The following DIAPH3 variants were observed in gnomAD, a reference collection of about 807,000 sequenced individuals.
DIAPH3 encodes protein diaphanous homolog 3.
A neutral mutation model predicts 144.3 loss-of-function variants in DIAPH3; 117 were observed. That is an observed-to-expected ratio of 0.81 (90% confidence interval 0.70 to 0.95). The LOEUF (loss-of-function observed/expected upper bound fraction) is 0.95, where lower values mean the gene tolerates loss of function less well. DIAPH3 is among the 40% of genes least tolerant of loss of function. The pLI, the probability that DIAPH3 is intolerant of heterozygous loss-of-function variation, is 0.00. For synonymous variants in DIAPH3, 519 were observed against 488.9 expected, an observed-to-expected ratio of 1.06 and a Z score of -0.81; for missense variants, 1,421 against 1,412.7, an observed-to-expected ratio of 1.01 and a Z score of -0.09.
intron 9 of DIAPH3, among the ~76,000 whole-genome samples, chr13:60,006,336 T>TA (rs1324187247): frequency 2.0e-5 from 3 of 152,162 alleles, no homozygotes; most frequent in African/African-American, 7.2e-5. Context: ...CCTTACAGTT[T>TA]AAAACCTCAT....
intron 9 of DIAPH3, among the ~76,000 whole-genome samples, chr13:60,007,967 G>A (rs1310681249): frequency 2.6e-4 from 39 of 152,272 alleles, no homozygotes; most frequent in Admixed American, 2.6e-3. Flanking sequence ...ATAGAACTAT[G>A]ATAATATCTC....
intron 2 of DIAPH3, among the ~76,000 whole-genome samples, chr13:60,119,546 GACCATCCCGGC>G (rs2058784121): frequency 6.6e-6 from 1 of 151,672 alleles, no homozygotes; most frequent in African/African-American, 2.4e-5. Flanking sequence ...AGGAGATCGA[GACCATCCCGGC>G]TAAAACGGTG....
intron 24 of DIAPH3, among the ~76,000 whole-genome samples, chr13:59,829,273 C>CA (rs551739830): frequency 1.5e-4 from 23 of 151,774 alleles, no homozygotes; most frequent in Non-Finnish European, 2.5e-4. Flanking sequence ...ACGATTGTTC[C>CA]AAAAAAATGG....
intron 24 of DIAPH3, among the ~76,000 whole-genome samples, chr13:59,821,809 C>T (rs2041089371): frequency 6.6e-6 from 1 of 152,142 alleles, no homozygotes; most frequent in South Asian, 2.1e-4. Context: ...TGTGCTCTGG[C>T]ACAAACAATT....
intron 12 of DIAPH3, among the ~76,000 whole-genome samples, chr13:59,986,673 C>G (rs1394082446): frequency 7.2e-6 from 1 of 139,184 alleles, no homozygotes; most frequent in Non-Finnish European, 1.6e-5. Flanking sequence ...AGGACATGAA[C>G]AGACACTTCT....
intron 9 of DIAPH3, among the ~76,000 whole-genome samples, chr13:59,993,201 A>G (rs1199085811): frequency 1.3e-5 from 2 of 151,864 alleles, no homozygotes; most frequent in Non-Finnish European, 2.9e-5. Flanking sequence ...CCTTTAATAT[A>G]TAGCTTAAAT....
At chr13:59,672,020 C>T (rs1351048158) in intron 27 of DIAPH3, among the ~76,000 whole-genome samples, 2 of 152,096 alleles carry the variant, frequency 1.3e-5, no homozygotes, top group African/African-American at 4.8e-5. Flanking sequence ...ACACAAAAGA[C>T]ACAGGAAACT....
At chr13:59,982,193 CAATT>C (rs1230792520) in intron 13 of DIAPH3, among the ~76,000 whole-genome samples, 2 of 151,306 alleles carry the variant, frequency 1.3e-5, no homozygotes, top group South Asian at 2.1e-4. Flanking sequence ...TCAGTAAATA[CAATT>C]AATTTATTAA....
chr13:60,042,370 A>G (rs999029733), intron 5 of DIAPH3, among the ~76,000 whole-genome samples: 5 of 152,186 alleles, frequency 3.3e-5, no homozygotes, highest in African/African-American at 1.2e-4. Context: ...GTAAATATAC[A>G]ATGACAAAAT....
chr13:59,959,865 A>G (rs778329329), intron 17 of DIAPH3, among the ~76,000 whole-genome samples: 7 of 152,222 alleles, frequency 4.6e-5, no homozygotes, highest in Non-Finnish European at 1.0e-4. Flanking sequence ...GCCATTTGTG[A>G]GCATAATGAT....
At chr13:59,744,815 A>C (rs1436959181) in intron 27 of DIAPH3, among the ~76,000 whole-genome samples, 1 of 152,186 alleles carries the variant, frequency 6.6e-6, no homozygotes, top group Non-Finnish European at 1.5e-5. Context: ...ACAAAGCAGA[A>C]AAAAATTGCA....
chr13:59,754,396 C>T (rs1423167340), intron 27 of DIAPH3, among the ~76,000 whole-genome samples: 4 of 152,114 alleles, frequency 2.6e-5, no homozygotes, highest in African/African-American at 7.2e-5. Flanking sequence ...TGGTCAAATA[C>T]TAGCTACTTT....
At chr13:59,827,033 A>T (rs567693618) in intron 24 of DIAPH3, among the ~76,000 whole-genome samples, 1 of 152,360 alleles carries the variant, frequency 6.6e-6, no homozygotes, top group East Asian at 1.9e-4. Flanking sequence ...AAATTAATTC[A>T]AGATGGAATA....
intron 27 of DIAPH3, among the ~76,000 whole-genome samples, chr13:59,687,224 T>C (rs572717469): frequency 6.6e-6 from 1 of 152,246 alleles, no homozygotes; most frequent in East Asian, 1.9e-4. Context: ...CAGTCAAAGC[T>C]GCAGGACACC....
intron 11 of DIAPH3, 118 bp downstream of exon 11, chr13:59,991,950 A>C (rs2051847946): frequency 1.2e-6 from 1 of 806,392 alleles, no homozygotes; most frequent in African/African-American, 1.7e-5. Context: ...CTTCTGATGC[A>C]TGAAGGTTTG....
chr13:59,783,120 C>A, intron 25 of DIAPH3, among the ~76,000 whole-genome samples: 1 of 151,920 alleles, frequency 6.6e-6, no homozygotes, highest in Non-Finnish European at 1.5e-5. Context: ...AACAAACAAA[C>A]AAAAAACAAA....
At chr13:59,914,995 A>G (rs1388788744) in intron 19 of DIAPH3, among the ~76,000 whole-genome samples, 12 of 152,282 alleles carry the variant, frequency 7.9e-5, no homozygotes, top group Non-Finnish European at 1.2e-4. Context: ...AAAGCAAATC[A>G]TCTCTTTTCT....
At chr13:59,846,523 C>A (rs1422175579) in intron 22 of DIAPH3, among the ~76,000 whole-genome samples, 2 of 151,982 alleles carry the variant, frequency 1.3e-5, no homozygotes, top group Non-Finnish European at 2.9e-5. Context: ...ATAATAAAAG[C>A]ATTTTATAAA....
chr13:60,150,324 C>T (rs1460878406), intron 1 of DIAPH3, among the ~76,000 whole-genome samples: 4 of 151,852 alleles, frequency 2.6e-5, no homozygotes, highest in Admixed American at 6.6e-5. Context: ...CGCGCCTGGC[C>T]GCTTTTTCAA....
Sources: gnomAD v4.1 joint callset for allele counts (sites outside exome capture counted in the v4.1 genomes callset) on GRCh38, gnomAD v4.1.1 for gene constraint, MANE v1.5 for transcripts, NCBI Gene and HGNC (gene_info 2026-07-23, HGNC 2026-07-21) for gene names.